Variants in RCC1 observed in about 807,000 individuals in gnomAD.
RCC1 encodes the protein regulator of chromosome condensation.
Under a neutral mutation model 44.4 loss-of-function variants are expected in RCC1, and 11 were observed. The observed-to-expected ratio is 0.25, with a 90% CI of 0.16 to 0.41. RCC1 has a LOEUF of 0.41. Among genes scored for constraint, RCC1 ranks in the 10% least tolerant of loss-of-function variants. The pLI, the probability that RCC1 is intolerant of heterozygous loss-of-function variation, is 1.00. For synonymous variants in RCC1, 213 were observed against 216.5 expected (o/e 0.98, Z 0.14); for missense variants, 386 against 547.1 (o/e 0.71, Z 2.94).
intron 2 of RCC1, 198 bp from the exon 3 acceptor site, chr1:28,508,632 C>G: frequency 1.9e-6 from 1 of 518,852 alleles, no homozygotes; most frequent in Non-Finnish European, 3.8e-6. Flanking sequence ...AGGGCTCTGC[C>G]CCATGATGTA....
intron 3 of RCC1, among the ~76,000 whole-genome samples, chr1:28,513,902 CT>C (rs1440374214): frequency 6.6e-6 from 1 of 152,056 alleles, no homozygotes; most frequent in Non-Finnish European, 1.5e-5. Flanking sequence ...ACATTTTTAA[CT>C]TACAATAGTC....
intron 2 of RCC1, chr1:28,508,446 G>A: frequency 2.4e-6 from 1 of 409,932 alleles, no homozygotes; most frequent in Admixed American, 2.8e-5. Context: ...AGCCTAATTG[G>A]CTTTATCTAC....
rs901363451 is a variant in RCC1, at chr1:28,526,826, G to C, written c.-9-3032G>C. On this transcript the variant is annotated intron_variant, in intron 4 of 12. Coordinates refer to ENST00000683442, the MANE Select transcript of RCC1 (RefSeq NM_001381865.2). ...CAGGAGAATTGGCTTGAACCCAGGA[G>C]GGGGAGGTTGCAGTGAGCCGAGATC... The C allele has an allele frequency of 8.3e-6, 5 of 601,172 alleles. No homozygotes were observed. The Admixed American group carries it at 1.5e-4, about 18-fold the overall frequency. 37.2% of individuals were successfully genotyped at this position (601,172 alleles called of 1,614,324 possible).
chr1:28,507,000 T>C (rs1662002167), intron 1 of RCC1: 1 of 163,642 alleles, frequency 6.1e-6, no homozygotes, highest in Non-Finnish European at 1.3e-5. Context: ...TAATTATGCT[T>C]TCTCGTATTT....
chr1:28,516,979 G>C (rs1662933179), intron 4 of RCC1, 112 bp downstream of exon 4: 1 of 413,514 alleles, frequency 2.4e-6, no homozygotes, highest in Non-Finnish European at 4.8e-6. Flanking sequence ...AAATTAGCCA[G>C]GCTTTGTGGC....
At chr1:28,535,803 A>T in intron 9 of RCC1, 68 bp from the exon 10 acceptor site, 1 of 1,538,688 alleles carries the variant, frequency 6.5e-7, no homozygotes, top group Non-Finnish European at 8.9e-7. Context: ...GAGGAGAATT[A>T]AACTCGGGGC....
intron 5 of RCC1, chr1:28,530,400 G>A: frequency 2.6e-6 from 2 of 772,138 alleles, no homozygotes; most frequent in African/African-American, 1.7e-5. Context: ...CAGCATTTGA[G>A]GGAGGTGGCT....
chr1:28,535,958 A>T lies in RCC1; in HGVS notation c.749A>T (p.Tyr250Phe). 6.2e-7 allele frequency: 1 copy of T among 1,613,910 alleles called. No homozygotes were observed. The highest frequency in any genetic ancestry group is 8.5e-7 in the Non-Finnish European group (1 of 1,179,980). ...TTCCAGGATGCCTTTTGTGGTGCCTATTTCACCTTTGCCATCTCCCATGAG... is the reference window on the plus strand; with the variant it reads ...TTCCAGGATGCCTTTTGTGGTGCCTTTTTCACCTTTGCCATCTCCCATGAG... Reference protein sequence around the residue: ...VRFQDAFCGAYFTFAISHEGH... With the variant: ...VRFQDAFCGAFFTFAISHEGH... The change falls in exon 10 of 13, where the codon TAT (tyrosine) becomes TTT (phenylalanine). Residue 250 changes from tyrosine (Y) to phenylalanine (F), a missense_variant. Coordinates refer to ENST00000683442, the MANE Select transcript of RCC1 (RefSeq NM_001381865.2).
rs1002569221 is a variant in RCC1 at position 28,527,002 on chromosome 1, G to T, written c.-9-2856G>T. ...GGTCTTTGAACTCTCCATTGACCACGGCTGTACCCTTAAAATAGGGCGCAT... is the reference window on the plus strand; with the variant it reads ...GGTCTTTGAACTCTCCATTGACCACTGCTGTACCCTTAAAATAGGGCGCAT... On this transcript the variant is annotated intron_variant, in intron 4 of 12. Coordinates refer to ENST00000683442, the MANE Select transcript of RCC1 (RefSeq NM_001381865.2). The T allele has an allele frequency of 2.3e-5, 19 of 831,944 alleles. No individual in the cohort carries two copies. The East Asian group carries it at 4.3e-4, about 19-fold the overall frequency. 51.5% of individuals were successfully genotyped at this position (831,944 alleles called of 1,614,324 possible). A position where few individuals can be genotyped will look rare whatever the true frequency, so the allele number is the denominator to read the frequency against.
intron 4 of RCC1, among the ~76,000 whole-genome samples, chr1:28,528,023 A>AAC: frequency 6.6e-6 from 1 of 150,548 alleles, no homozygotes; most frequent in South Asian, 2.1e-4. Flanking sequence ...AAAAAAAAAA[A>AAC]AAAAACATGT....
chr1:28,532,730 G>A, intron 7 of RCC1: 1 of 473,208 alleles, frequency 2.1e-6, no homozygotes. Context: ...TGTGGAGGCA[G>A]GGATTGTCGC....
At chr1:28,533,825 TTTTTCTTTTC>T (rs1557879700) in intron 7 of RCC1, among the ~76,000 whole-genome samples, 11 of 129,422 alleles carry the variant, frequency 8.5e-5, no homozygotes, top group Admixed American at 2.4e-4. Flanking sequence ...GAATTATATT[TTTTTCTTTTC>T]TTTTCTTTTC....
chr1:28,528,182 A>C (rs1663813413), intron 4 of RCC1, among the ~76,000 whole-genome samples: 1 of 151,356 alleles, frequency 6.6e-6, no homozygotes, highest in Non-Finnish European at 1.5e-5. Flanking sequence ...TGGGCTGGGC[A>C]CAGTGGCTCA....
chr1:28,515,246 C>A (rs6696374), intron 3 of RCC1, among the ~76,000 whole-genome samples: 6,183 of 151,672 alleles, frequency 0.041, 350 homozygotes, highest in African/African-American at 0.12. Flanking sequence ...ACTGAGATCA[C>A]GCCATTACAC....
intron 1 of RCC1, chr1:28,506,373 C>T: frequency 2.7e-6 from 1 of 376,984 alleles, no homozygotes; most frequent in South Asian, 1.9e-5. Context: ...TTAGTGGAGA[C>T]GGGGTTTCGC....
intron 4 of RCC1, among the ~76,000 whole-genome samples, chr1:28,522,756 AG>A (rs1663366831): frequency 6.6e-6 from 1 of 151,888 alleles, no homozygotes; most frequent in South Asian, 2.1e-4. Flanking sequence ...TGGAGGTTGC[AG>A]TGAGCCGTGT....
intron 4 of RCC1, chr1:28,527,215 A>G: frequency 1.2e-6 from 1 of 864,852 alleles, no homozygotes; most frequent in South Asian, 1.4e-5. Context: ...TAACCTTCCC[A>G]CAGCAGCCGC....
Position 28,519,751 on chromosome 1 carries a change from T to C in RCC1, c.-10+2884T>C, listed in dbSNP as rs187004719. On this transcript the variant is annotated intron_variant, in intron 4 of 12. Coordinates refer to ENST00000683442, the MANE Select transcript of RCC1 (RefSeq NM_001381865.2). ...AGCTAATTTTTGTATTTTTTTTTTT[T>C]TAGTAGAGACGGGGTTTCACCATGT... is the stretch of plus-strand genomic sequence containing the variant. Among the ~76,000 whole-genome samples, 1,290 of 151,858 alleles carry C rather than the reference T, an allele frequency of 8.5e-3. 16 individuals are homozygous for C. Among genetic ancestry groups the C allele is most frequent in the African/African-American group, 0.03 (1,231 of 41,390 alleles).
intron 1 of RCC1, 173 bp downstream of exon 1, chr1:28,506,257 T>C: frequency 2.2e-6 from 1 of 447,864 alleles, no homozygotes; most frequent in South Asian, 1.6e-5. Flanking sequence ...ACTGCAGTGC[T>C]CGTTGCAACC....
Sources: allele counts gnomAD v4.1 joint callset (sites outside exome capture counted in the v4.1 genomes callset), GRCh38; gene constraint gnomAD v4.1.1; transcripts MANE v1.5; gene names NCBI Gene and HGNC (gene_info 2026-07-23, HGNC 2026-07-21).